The following GPR137B variants were observed in gnomAD, a reference collection of about 807,000 sequenced individuals.
GPR137B encodes the protein integral membrane protein GPR137B.
Under a neutral mutation model 42.5 loss-of-function variants are expected in GPR137B, and 42 were observed. The observed-to-expected ratio is 0.99, with a 90% CI of 0.77 to 1.28. The LOEUF is 1.28. Among genes scored for constraint, GPR137B ranks in the 50% most tolerant of loss-of-function variants. The pLI, the probability that GPR137B is intolerant of heterozygous loss-of-function variation, is 0.00. For missense variants in GPR137B, 487 were observed against 493.9 expected, an observed-to-expected ratio of 0.99 and a Z score of 0.13; for synonymous variants, 218 against 209.7, an observed-to-expected ratio of 1.04 and a Z score of -0.34.
rs1374696558 is a variant in GPR137B, at chr1:236,208,849, T to C, written c.*691T>C. 2 of 981,254 alleles carry C rather than the reference T, an allele frequency of 2.0e-6. No homozygotes were observed. Among genetic ancestry groups the C allele is most frequent in the Non-Finnish European group, 2.4e-6 (2 of 826,282 alleles). 60.8% of individuals were successfully genotyped at this position (981,254 alleles called of 1,614,324 possible). A position where few individuals can be genotyped will look rare whatever the true frequency, so the allele number is the denominator to read the frequency against. The stretch of plus-strand genomic sequence containing the variant: ...CTAATGTATACACATTAATGATAAG[T>C]TGATAACATTAAAAATGTAGCTGAC... On this transcript the variant is annotated 3_prime_UTR_variant, in exon 7 of 7. Transcript: ENST00000366592.
At chr1:236,205,324 A>AAAG in intron 6 of GPR137B, 74 bp downstream of exon 6, 3 of 1,343,418 alleles carry the variant, frequency 2.2e-6, no homozygotes, top group Non-Finnish European at 3.1e-6. Context: ...ATTCAAGCTA[A>AAAG]AAGAAAATTC....
intron 5 of GPR137B, 58 bp from the exon 6 acceptor site, chr1:236,205,068 T>C: frequency 6.9e-7 from 1 of 1,455,514 alleles, no homozygotes; most frequent in Non-Finnish European, 9.5e-7. Flanking sequence ...GATCTTATTT[T>C]TGTCTGGTGC....
At chr1:236,173,073 A>G (rs966813858) in intron 2 of GPR137B, among the ~76,000 whole-genome samples, 2 of 151,486 alleles carry the variant, frequency 1.3e-5, no homozygotes, top group Non-Finnish European at 3.0e-5. Flanking sequence ...TGGGAGCATC[A>G]CTTGAGCCCA....
intron 5 of GPR137B, among the ~76,000 whole-genome samples, chr1:236,194,006 A>G (rs1381155843): frequency 6.6e-6 from 1 of 152,220 alleles, no homozygotes; most frequent in Non-Finnish European, 1.5e-5. Flanking sequence ...AGATGGTGTG[A>G]AAGCAGGACA....
chr1:236,166,941 C>G (rs531303545), intron 1 of GPR137B, among the ~76,000 whole-genome samples: 5 of 152,116 alleles, frequency 3.3e-5, no homozygotes, highest in East Asian at 3.9e-4. Context: ...GTAGATGTGA[C>G]TGGGGGATTC....
In GPR137B at chr1:236,142,682, G is replaced by A. The variant is rs1558475112; in HGVS notation, c.60G>A (p.Pro20=). Residue 20 remains proline, a synonymous_variant, in exon 1 of 7, where the codon CCG becomes CCA. Transcript: ENST00000366592. ...CCCCCGGCCCGATGGAGACCCCGCC[G>A]TGGGACCCAGCCCGCAACGACTCGC... ...GSAPGPMETP[P]WDPARNDSLP... 2 of 1,567,286 alleles carry A rather than the reference G, an allele frequency of 1.3e-6. No individual in the cohort carries two copies. Among genetic ancestry groups the A allele is most frequent in the Non-Finnish European group, 1.7e-6 (2 of 1,162,338 alleles).
intron 5 of GPR137B, among the ~76,000 whole-genome samples, chr1:236,200,707 C>G (rs1663469261): frequency 6.6e-6 from 1 of 151,846 alleles, no homozygotes; most frequent in Non-Finnish European, 1.5e-5. Flanking sequence ...CTTTTTCCAC[C>G]CCTTTACCTT....
chr1:236,156,018 G>T lies in GPR137B; in HGVS notation c.415-12688G>T, dbSNP rs1662016154. On this transcript the variant is annotated intron_variant, in intron 1 of 6. Coordinates refer to ENST00000366592, the MANE Select transcript of GPR137B (RefSeq NM_003272.4). This position sits in a 1 kb window ranked among gnomAD's most constrained non-coding sequence, Gnocchi z 4.8. The stretch of plus-strand genomic sequence containing the variant: ...ACACACATGCATACACCTGAGGAAG[G>T]ATCATAGGCGCCAGGTGAGCCAAAC... Among the ~76,000 whole-genome samples the T allele has an allele frequency of 6.6e-6, 1 of 152,252 alleles. No homozygotes were observed. The highest frequency in any genetic ancestry group is 2.1e-4 in the South Asian group (1 of 4,830).
intron 2 of GPR137B, among the ~76,000 whole-genome samples, chr1:236,177,766 G>A (rs1160161115): frequency 6.6e-6 from 1 of 151,964 alleles, no homozygotes. Context: ...ATGTTGGCCA[G>A]GCTGGTCTTG....
chr1:236,162,769 G>C (rs1558482493), intron 1 of GPR137B, among the ~76,000 whole-genome samples: 1 of 152,250 alleles, frequency 6.6e-6, no homozygotes, highest in Non-Finnish European at 1.5e-5. Context: ...CCTCCGCCTA[G>C]ATTCCAGAAG....
At chr1:236,179,697 A>G (rs1297392278) in intron 3 of GPR137B, among the ~76,000 whole-genome samples, 182 bp from the exon 4 acceptor site, 2 of 152,204 alleles carry the variant, frequency 1.3e-5, no homozygotes, top group East Asian at 1.9e-4. Context: ...CAGGGTCCAT[A>G]TGAAGACACT....
intron 4 of GPR137B, among the ~76,000 whole-genome samples, chr1:236,183,540 G>T (rs1345230921): frequency 6.6e-6 from 1 of 152,110 alleles, no homozygotes; most frequent in African/African-American, 2.4e-5. Context: ...CGTATCTGAG[G>T]TCTAGACCAT....
Position 236,156,538 on chromosome 1 carries a change from G to T in GPR137B, c.415-12168G>T, listed in dbSNP as rs891502348. ...GTTTGGAAGAAAAGAACATCCTAAC[G>T]CAGGCATAGAGGCCCCGCCCTTGCT... On this transcript the variant is annotated intron_variant, in intron 1 of 6. Coordinates refer to ENST00000366592, the MANE Select transcript of GPR137B (RefSeq NM_003272.4). The surrounding 1 kb of genome is among the most constrained non-coding windows in gnomAD (Gnocchi z 4.8). Among the ~76,000 whole-genome samples the T allele has an allele frequency of 6.6e-6, 1 of 152,188 alleles. No homozygotes were observed.
At chr1:236,203,411 TTTAGTTACTA>T (rs1299219375) in intron 5 of GPR137B, among the ~76,000 whole-genome samples, 2 of 152,310 alleles carry the variant, frequency 1.3e-5, no homozygotes, top group Admixed American at 6.5e-5. Context: ...ACCATGCTGT[TTTAGTTACTA>T]TAACTCTGTA....
chr1:236,187,363 T>C (rs1204093527), intron 5 of GPR137B, among the ~76,000 whole-genome samples: 1 of 152,222 alleles, frequency 6.6e-6, no homozygotes, highest in Non-Finnish European at 1.5e-5. Context: ...ATTTTGGCTT[T>C]TGTTGCCATT....
At chr1:236,161,539 A>G (rs997712708) in intron 1 of GPR137B, among the ~76,000 whole-genome samples, 1 of 108,070 alleles carries the variant, frequency 9.3e-6, no homozygotes, top group African/African-American at 4.9e-5. Context: ...ACATCTCCAC[A>G]CGCTTTTCAC....
rs1450902483 is a variant in GPR137B at position 236,155,584 on chromosome 1, A to G, written c.414+12548A>G. ...CGCGGGCTGCCTGCTGGGCTGACTT[A>G]TCAATGTGGGGGCTCAGGGCCACCC... On this transcript the variant is annotated intron_variant, in intron 1 of 6. Transcript: ENST00000366592. The surrounding 1 kb of genome is among the most constrained non-coding windows in gnomAD (Gnocchi z 4.6). 6.6e-6 allele frequency among the ~76,000 whole-genome samples: 1 copy of G among 151,988 alleles called. No homozygotes were observed. Among genetic ancestry groups the G allele is most frequent in the Non-Finnish European group, 1.5e-5 (1 of 67,998 alleles).
At chr1:236,207,967 C>A in intron 6 of GPR137B, 83 bp from the exon 7 acceptor site, 1 of 960,192 alleles carries the variant, frequency 1.0e-6, no homozygotes, top group African/African-American at 1.7e-5. Context: ...ACACAAAAAT[C>A]TCAGCTCTGT....
At chr1:236,162,250 A>G (rs540784697) in intron 1 of GPR137B, among the ~76,000 whole-genome samples, 1 of 152,326 alleles carries the variant, frequency 6.6e-6, no homozygotes, top group East Asian at 1.9e-4. Flanking sequence ...TGAACTTCAG[A>G]GAGATGATTT....
Sources: gnomAD v4.1 joint callset for allele counts (sites outside exome capture counted in the v4.1 genomes callset) on GRCh38, gnomAD v4.1.1 for gene constraint, Gnocchi (gnomAD v3.1) non-coding constraint, MANE v1.5 for transcripts, NCBI Gene and HGNC (gene_info 2026-07-23, HGNC 2026-07-21) for gene names.